Variants in SPAG16 observed in about 807,000 individuals in gnomAD.
SPAG16 encodes the protein sperm associated antigen 16.
Under a neutral mutation model 80.4 loss-of-function variants are expected in SPAG16, and 86 were observed. That is an observed-to-expected ratio of 1.07 (90% CI 0.90 to 1.28). The LOEUF is 1.28. Among genes scored for constraint, SPAG16 ranks in the 50% most tolerant of loss-of-function variants. The pLI is 0.00. For missense variants in SPAG16, 870 were observed against 765.3 expected, an observed-to-expected ratio of 1.14 and a Z score of -1.61; for synonymous variants, 294 against 265.9, an observed-to-expected ratio of 1.11 and a Z score of -1.03.
At position 214,017,834 on chromosome 2, in the gene SPAG16, G is replaced by T. The variant is rs143092882; in HGVS notation, c.1527+3757G>T. ...AGTTGACTTAATGGCAAATTAAAAT[G>T]TATATCACTACAATTATTATTGCTA... is the stretch of plus-strand genomic sequence containing the variant. On this transcript the variant is annotated intron_variant, in intron 13 of 15. Coordinates refer to ENST00000331683, the MANE Select transcript of SPAG16 (RefSeq NM_024532.5). Among the ~76,000 whole-genome samples, 322 of 152,246 alleles carry T rather than the reference G, an allele frequency of 2.1e-3. 2 individuals carry two copies. The highest frequency in any genetic ancestry group is 7.6e-3 in the African/African-American group (314 of 41,554).
chr2:213,830,353 A>G (rs932909876), intron 10 of SPAG16, among the ~76,000 whole-genome samples: 3 of 152,004 alleles, frequency 2.0e-5, no homozygotes, highest in Admixed American at 2.0e-4. Context: ...CTCATTCACT[A>G]CTGTGGGATG....
At chr2:213,590,155 T>C (rs2060633542) in intron 10 of SPAG16, among the ~76,000 whole-genome samples, 1 of 152,062 alleles carries the variant, frequency 6.6e-6, no homozygotes, top group Non-Finnish European at 1.5e-5. Context: ...ATGGCCAAAT[T>C]CCTATAAAAG....
intron 11 of SPAG16, among the ~76,000 whole-genome samples, chr2:213,918,620 C>T (rs968602379): frequency 6.6e-6 from 1 of 152,184 alleles, no homozygotes; most frequent in Admixed American, 6.5e-5. Flanking sequence ...CAAATTCTCT[C>T]TTGTCTCCTG....
intron 15 of SPAG16, among the ~76,000 whole-genome samples, chr2:214,228,080 C>T (rs373721622): frequency 6.6e-6 from 1 of 151,966 alleles, no homozygotes; most frequent in Admixed American, 6.6e-5. Flanking sequence ...AAGTCTGTCA[C>T]ACAGTATGCT....
At chr2:213,318,656 AG>A (rs2063500077) in intron 5 of SPAG16, among the ~76,000 whole-genome samples, 1 of 151,934 alleles carries the variant, frequency 6.6e-6, no homozygotes, top group Non-Finnish European at 1.5e-5. Context: ...ATTTTAAAAA[AG>A]AAAATATAAA....
chr2:214,309,553 C>G (rs1415310924), intron 15 of SPAG16, among the ~76,000 whole-genome samples: 1 of 151,862 alleles, frequency 6.6e-6, no homozygotes, highest in African/African-American at 2.4e-5. Context: ...GGTTGCTGAC[C>G]TTTGGATAGG....
chr2:213,981,771 T>C (rs2045758764), intron 12 of SPAG16, among the ~76,000 whole-genome samples: 1 of 152,044 alleles, frequency 6.6e-6, no homozygotes, highest in Non-Finnish European at 1.5e-5. Context: ...GTAGATTATA[T>C]GAAGCTATTC....
chr2:213,889,723 A>G (rs2076713486), intron 11 of SPAG16, among the ~76,000 whole-genome samples: 1 of 149,114 alleles, frequency 6.7e-6, no homozygotes, highest in Non-Finnish European at 1.5e-5. Context: ...ATATGCATAT[A>G]TATATACATA....
intron 10 of SPAG16, among the ~76,000 whole-genome samples, chr2:213,841,175 A>G (rs1006539020): frequency 2.2e-4 from 34 of 152,166 alleles, no homozygotes; most frequent in African/African-American, 7.0e-4. Flanking sequence ...AAGAAAGAGT[A>G]TGTTCATTTG....
rs59407158 is a variant in SPAG16 at position 213,310,319 on chromosome 2, AACAC to A, written c.398+194_398+197del. 4.8e-3 allele frequency: 1,680 copies of A among 347,528 alleles called. 14 individuals carry two copies. Among genetic ancestry groups the A allele is most frequent in the African/African-American group, 0.021 (888 of 42,082 alleles). 21.5% of individuals were successfully genotyped at this position (347,528 alleles called of 1,614,324 possible). A position where few individuals can be genotyped will look rare whatever the true frequency, so the allele number is the denominator to read the frequency against. ...TTCCCATCTCCAGCCCTGAAACCAC[AACAC>A]ACACACACACACACACACACACACA... On this transcript the variant is annotated intron_variant, in intron 4 of 15. Coordinates refer to ENST00000331683, the MANE Select transcript of SPAG16 (RefSeq NM_024532.5).
At chr2:213,942,714 C>G (rs192011453) in intron 12 of SPAG16, among the ~76,000 whole-genome samples, 1 of 152,252 alleles carries the variant, frequency 6.6e-6, no homozygotes, top group African/African-American at 2.4e-5. Flanking sequence ...TAAACCTTTA[C>G]TTACTATTAT....
chr2:213,675,525 C>A lies in SPAG16; in HGVS notation c.1070+185435C>A, dbSNP rs973259036. Among the ~76,000 whole-genome samples, 203 of 152,222 alleles carry A rather than the reference C, an allele frequency of 1.3e-3. 2 individuals are homozygous for A. Among genetic ancestry groups the A allele is most frequent in the African/African-American group, 4.5e-3 (187 of 41,498 alleles). On this transcript the variant is annotated intron_variant, in intron 10 of 15. Transcript: ENST00000331683. ...AGGGATTTTATGGTTTTAGGGCTAA[C>A]ATTTAAGTCTTTAATCCATCTTGAA...
chr2:213,620,055 C>T (rs1679038924), intron 10 of SPAG16, among the ~76,000 whole-genome samples: 1 of 151,654 alleles, frequency 6.6e-6, no homozygotes, highest in Non-Finnish European at 1.5e-5. Flanking sequence ...TAAAGTAAGG[C>T]ACAGAAAGAT....
At chr2:213,579,818 C>G (rs2060244921) in intron 10 of SPAG16, among the ~76,000 whole-genome samples, 1 of 152,070 alleles carries the variant, frequency 6.6e-6, no homozygotes, top group Admixed American at 6.6e-5. Context: ...GTATTCCTCA[C>G]CAACAATTTT....
At chr2:213,307,283 C>T (rs1257484707) in intron 3 of SPAG16, among the ~76,000 whole-genome samples, 2 of 148,784 alleles carry the variant, frequency 1.3e-5, no homozygotes, top group Non-Finnish European at 3.0e-5. Context: ...TATACATGTG[C>T]CATGCTGGTG....
rs748445754 is a variant in SPAG16 at position 213,297,166 on chromosome 2, T to A, written c.184-96T>A. ...TATTTTACATAAAGTATTTCTTTGATCCTTTGATTTGTGAAGCAAAATTAT... is the reference window on the plus strand; with the variant it reads ...TATTTTACATAAAGTATTTCTTTGAACCTTTGATTTGTGAAGCAAAATTAT... On this transcript the variant is annotated intron_variant, in intron 2 of 15. Coordinates refer to ENST00000331683, the MANE Select transcript of SPAG16 (RefSeq NM_024532.5). The A allele has an allele frequency of 3.1e-5, 46 of 1,498,188 alleles. No individual in the cohort carries two copies. The African/African-American group carries it at 5.6e-4, about 18-fold the overall frequency. 92.8% of individuals were successfully genotyped at this position (1,498,188 alleles called of 1,614,324 possible). A position where few individuals can be genotyped will look rare whatever the true frequency, so the allele number is the denominator to read the frequency against.
At chr2:213,654,447 A>T (rs540846959) in intron 10 of SPAG16, among the ~76,000 whole-genome samples, 3 of 150,206 alleles carry the variant, frequency 2.0e-5, no homozygotes, top group Non-Finnish European at 4.4e-5. Flanking sequence ...CTGCAATCCC[A>T]GCACTTTGGG....
intron 12 of SPAG16, among the ~76,000 whole-genome samples, chr2:213,940,016 A>C (rs980445316): frequency 6.6e-5 from 10 of 152,136 alleles, no homozygotes; most frequent in African/African-American, 2.4e-4. Flanking sequence ...GTCCTAGTAA[A>C]ATTTCTTATC....
At chr2:214,077,619 G>T (rs1377419004) in intron 13 of SPAG16, among the ~76,000 whole-genome samples, 1 of 152,198 alleles carries the variant, frequency 6.6e-6, no homozygotes, top group Non-Finnish European at 1.5e-5. Context: ...CCAGCCATGT[G>T]CCAATAATTC....
Sources: allele counts gnomAD v4.1 joint callset (sites outside exome capture counted in the v4.1 genomes callset), GRCh38; gene constraint gnomAD v4.1.1; transcripts MANE v1.5; gene names NCBI Gene and HGNC (gene_info 2026-07-23, HGNC 2026-07-21).